SLC28A1: variants seen among roughly 807,000 people sequenced by gnomAD.
SLC28A1 encodes the protein sodium/nucleoside cotransporter 1.
SLC28A1 carries 64 observed loss-of-function variants against 74.8 expected under a neutral mutation model. That is an observed-to-expected ratio of 0.86 (90% CI 0.70 to 1.05). The LOEUF (loss-of-function observed/expected upper bound fraction) is 1.05, where lower values mean the gene tolerates loss of function less well. SLC28A1 is among the 50% of genes least tolerant of loss of function. The pLI, the probability that SLC28A1 is intolerant of heterozygous loss-of-function variation, is 0.00. For synonymous variants in SLC28A1, 359 were observed against 335.0 expected (o/e 1.07, Z -0.78); for missense variants, 828 against 822.8 (o/e 1.01, Z -0.08).
At chr15:84,970,622 G>T in the SLC28A1 span, among the ~76,000 whole-genome samples, 422 of 152,212 alleles carry the variant, frequency 2.8e-3, 3 homozygotes, top group African/African-American at 9.3e-3. Context: ...GGTAAATTTG[G>T]TTCTCACCTT....
rs866770913 is a variant in SLC28A1, at chr15:84,943,488, C to T, written c.1625C>T (p.Ala542Val). ...ACGACGTTTGCCCTCTGTGGATTTG[C>T]CAATTTCAGCTCCATTGGGATCATG... ...VLTTFALCGF[A>V]NFSSIGIMLG... Residue 542 changes from alanine (A) to valine (V), a missense_variant, in exon 16 of 19, where the codon GCC (alanine) becomes GTC (valine). By Grantham distance (64) the Ala-to-Val change is moderately conservative. Coordinates refer to ENST00000394573, the MANE Select transcript of SLC28A1 (RefSeq NM_004213.5). 1.9e-6 allele frequency: 3 copies of T among 1,614,074 alleles called. No homozygotes were observed. The highest frequency in any genetic ancestry group is 1.7e-4 in the Middle Eastern group (1 of 6,044).
At chr15:84,886,873 G>A in intron 2 of SLC28A1, 86 bp downstream of exon 2, 1 of 696,732 alleles carries the variant, frequency 1.4e-6, no homozygotes, top group Non-Finnish European at 1.8e-6. Flanking sequence ...GCCTGTGTGT[G>A]TGCACGCACA....
the SLC28A1 span, among the ~76,000 whole-genome samples, chr15:84,969,246 C>G: frequency 3.7e-4 from 56 of 152,304 alleles, 1 homozygote; most frequent in South Asian, 0.011. Context: ...AGGAGAATTG[C>G]TGAGGTTGCC....
intron 4 of SLC28A1, among the ~76,000 whole-genome samples, chr15:84,889,371 C>T (rs953085983): frequency 6.6e-6 from 1 of 152,090 alleles, no homozygotes; most frequent in South Asian, 2.1e-4. Context: ...TGGCCAGATC[C>T]GGAGCTGAGG....
chr15:84,931,186 G>A (rs1253759945), intron 12 of SLC28A1, among the ~76,000 whole-genome samples: 1 of 151,838 alleles, frequency 6.6e-6, no homozygotes, highest in African/African-American at 2.4e-5. Context: ...GATTACAGGC[G>A]TGAGCCACTG....
the SLC28A1 span, among the ~76,000 whole-genome samples, chr15:84,972,826 G>A: frequency 6.6e-6 from 1 of 152,192 alleles, no homozygotes; most frequent in African/African-American, 2.4e-5. Context: ...GAATGACCAC[G>A]TAATTTACCA....
At chr15:84,968,517 A>G in the SLC28A1 span, among the ~76,000 whole-genome samples, 3 of 152,236 alleles carry the variant, frequency 2.0e-5, no homozygotes, top group African/African-American at 4.8e-5. Context: ...GGGTGACCCA[A>G]GGGAGAGAAC....
Position 84,910,598 on chromosome 15 carries a change from CAT to C in SLC28A1, c.795+1804_795+1805del, listed in dbSNP as rs1389207113. 1.5e-4 allele frequency among the ~76,000 whole-genome samples: 23 copies of C among 152,284 alleles called. 1 individual carries two copies. Among genetic ancestry groups the C allele is most frequent in the South Asian group, 1.0e-3 (5 of 4,826 alleles). ...ACAAAATTAGCCAAGTGTGGTGGTG[CAT>C]GCCTGTAATCCCAGCTACTTGGGAG... On this transcript the variant is annotated intron_variant, in intron 9 of 18. Coordinates refer to ENST00000394573, the MANE Select transcript of SLC28A1 (RefSeq NM_004213.5).
At chr15:84,930,926 C>T (rs1971195223) in intron 12 of SLC28A1, among the ~76,000 whole-genome samples, 1 of 152,088 alleles carries the variant, frequency 6.6e-6, no homozygotes, top group Non-Finnish European at 1.5e-5. Flanking sequence ...CACACCACCA[C>T]ACCCGGATAA....
the SLC28A1 span, among the ~76,000 whole-genome samples, chr15:84,951,368 T>C: frequency 6.7e-6 from 1 of 149,972 alleles, no homozygotes; most frequent in Non-Finnish European, 1.5e-5. Flanking sequence ...AGGTGGAGGC[T>C]ACAGTGAGCC....
At chr15:84,928,576 T>C (rs139542463) in intron 12 of SLC28A1, among the ~76,000 whole-genome samples, 394 of 17,430 alleles carry the variant, frequency 0.023, 7 homozygotes, top group East Asian at 0.043. Flanking sequence ...CTTTCTTTCT[T>C]TCTTTCTTTC....
the SLC28A1 span, among the ~76,000 whole-genome samples, chr15:84,957,834 C>T: frequency 6.6e-6 from 1 of 152,042 alleles, no homozygotes; most frequent in Admixed American, 6.6e-5. Flanking sequence ...TTAAAATCAC[C>T]TCATCAATTT....
chr15:84,962,806 G>T, the SLC28A1 span, among the ~76,000 whole-genome samples: 1 of 152,182 alleles, frequency 6.6e-6, no homozygotes, highest in African/African-American at 2.4e-5. Context: ...GGGAGGAAAG[G>T]TCTCAAACCT....
intron 6 of SLC28A1, chr15:84,895,724 G>A: frequency 2.3e-6 from 3 of 1,313,006 alleles, no homozygotes; most frequent in Non-Finnish European, 2.9e-6. Context: ...TGTTTTATAA[G>A]CCAAGGTTCA....
chr15:84,951,637 C>T, the SLC28A1 span, among the ~76,000 whole-genome samples: 13 of 152,074 alleles, frequency 8.5e-5, no homozygotes, highest in South Asian at 2.1e-4. Context: ...CTCTTTCCTG[C>T]GGGGATCCTG....
chr15:84,969,541 G>A, the SLC28A1 span, among the ~76,000 whole-genome samples: 22 of 142,350 alleles, frequency 1.5e-4, no homozygotes, highest in African/African-American at 4.4e-4. Flanking sequence ...CCCCCGACTC[G>A]GACTTCTGTA....
At chr15:84,935,701 C>T (rs143109194) in intron 15 of SLC28A1, among the ~76,000 whole-genome samples, 183 bp downstream of exon 15, 1 of 152,332 alleles carries the variant, frequency 6.6e-6, no homozygotes, top group Non-Finnish European at 1.5e-5. Context: ...CCATCTTTCT[C>T]AAGGCCTTTT....
the SLC28A1 span, among the ~76,000 whole-genome samples, chr15:84,951,297 A>C: frequency 0.014 from 2,085 of 151,966 alleles, 53 homozygotes; most frequent in African/African-American, 0.048. Context: ...ATTAGCTGGG[A>C]ATGGTGGTGG....
chr15:84,955,155 C>T, the SLC28A1 span, among the ~76,000 whole-genome samples: 2 of 152,272 alleles, frequency 1.3e-5, no homozygotes, highest in East Asian at 1.9e-4. Flanking sequence ...CAGACACGAG[C>T]GAAAAAGCCT....
Sources: gnomAD v4.1 joint callset for allele counts (sites outside exome capture counted in the v4.1 genomes callset) on GRCh38, gnomAD v4.1.1 for gene constraint, MANE v1.5 for transcripts, NCBI Gene and HGNC (gene_info 2026-07-23, HGNC 2026-07-21) for gene names.